Variants in RAB38 observed in about 807,000 individuals in gnomAD.
RAB38 encodes the protein RAB38, member RAS oncogene family.
Under a neutral mutation model 18.4 loss-of-function variants are expected in RAB38, and 15 were observed. The observed-to-expected ratio is 0.82, with a 90% confidence interval of 0.55 to 1.26. The LOEUF (loss-of-function observed/expected upper bound fraction) is 1.26, where lower values mean the gene tolerates loss of function less well. Ranked by LOEUF, RAB38 falls within the 50% of genes most tolerant of loss-of-function variation. The probability of loss-of-function intolerance (pLI) is 0.00; values close to 1 mark genes in which losing one functional copy is unlikely to be tolerated. For synonymous variants in RAB38, 101 were observed against 104.4 expected (o/e 0.97, Z 0.20); for missense variants, 294 against 267.4 (o/e 1.10, Z -0.69).
At chr11:87,935,617 C>T in the RAB38 span, among the ~76,000 whole-genome samples, 2 of 152,140 alleles carry the variant, frequency 1.3e-5, no homozygotes, top group Non-Finnish European at 2.9e-5. Flanking sequence ...TGTAGCCTTA[C>T]TGTTTTCCCC....
At chr11:88,128,953 C>T (rs1942736042) in intron 2 of RAB38, among the ~76,000 whole-genome samples, 1 of 152,150 alleles carries the variant, frequency 6.6e-6, no homozygotes, top group African/African-American at 2.4e-5. Flanking sequence ...GGAGCTCAAA[C>T]CTGGCATGGC....
the RAB38 span, chr11:88,050,066 T>C: frequency 1.3e-5 from 2 of 152,222 alleles, no homozygotes; most frequent in Non-Finnish European, 2.9e-5. Context: ...AGCTACATTC[T>C]TCAAATAGTA....
the RAB38 span, among the ~76,000 whole-genome samples, chr11:87,947,233 G>GGGTT: frequency 1.7e-5 from 2 of 114,342 alleles, no homozygotes; most frequent in African/African-American, 7.3e-5. Context: ...CTTTTTGATG[G>GGGTT]GGTTGTTTTT....
the RAB38 span, among the ~76,000 whole-genome samples, chr11:87,839,453 A>G: frequency 6.6e-6 from 1 of 152,224 alleles, no homozygotes; most frequent in African/African-American, 2.4e-5. Context: ...CTGCTTTCTA[A>G]TTATAGGTCA....
chr11:88,156,239 A>G (rs1253783563), intron 1 of RAB38, among the ~76,000 whole-genome samples: 1 of 152,242 alleles, frequency 6.6e-6, no homozygotes, highest in African/African-American at 2.4e-5. Context: ...ACATTGTCCA[A>G]GATCAATGCT....
the RAB38 span, among the ~76,000 whole-genome samples, chr11:88,056,753 A>G: frequency 9.2e-5 from 14 of 152,106 alleles, no homozygotes; most frequent in Admixed American, 5.2e-4. Flanking sequence ...GCAGTGAGCC[A>G]AGATCGCACC....
the RAB38 span, among the ~76,000 whole-genome samples, chr11:87,818,890 A>G: frequency 3.5e-4 from 54 of 152,320 alleles, no homozygotes; most frequent in Non-Finnish European, 5.7e-4. Flanking sequence ...TAACTTCTCA[A>G]TTTGTGATTT....
the RAB38 span, among the ~76,000 whole-genome samples, chr11:87,842,884 C>A: frequency 6.6e-6 from 1 of 151,646 alleles, no homozygotes; most frequent in African/African-American, 2.4e-5. Flanking sequence ...AAACAAAAAA[C>A]ATTTTTTATA....
At chr11:88,160,150 A>T (rs1786347377) in intron 1 of RAB38, among the ~76,000 whole-genome samples, 2 of 151,908 alleles carry the variant, frequency 1.3e-5, no homozygotes, top group Admixed American at 1.3e-4. Context: ...CAACCCCACT[A>T]AAAAAATGGG....
the RAB38 span, among the ~76,000 whole-genome samples, chr11:88,037,749 C>T: frequency 6.6e-6 from 1 of 152,046 alleles, no homozygotes; most frequent in Non-Finnish European, 1.5e-5. Context: ...CATCAGGTTG[C>T]TCTATCAGTT....
the RAB38 span, among the ~76,000 whole-genome samples, chr11:87,958,515 G>C: frequency 6.6e-6 from 1 of 152,098 alleles, no homozygotes; most frequent in African/African-American, 2.4e-5. Context: ...ACCCCAGGAA[G>C]CGAGGCTCTT....
At chr11:87,977,305 T>A in the RAB38 span, among the ~76,000 whole-genome samples, 1 of 131,756 alleles carries the variant, frequency 7.6e-6, no homozygotes, top group African/African-American at 3.0e-5. Flanking sequence ...ACAAGTATAT[T>A]ATAAAATATA....
At chr11:87,860,031 C>T in the RAB38 span, among the ~76,000 whole-genome samples, 1 of 151,950 alleles carries the variant, frequency 6.6e-6, no homozygotes, top group African/African-American at 2.4e-5. Flanking sequence ...AGCTCATGCT[C>T]CTCCCTAACT....
chr11:87,909,683 A>G, the RAB38 span, among the ~76,000 whole-genome samples: 2 of 151,982 alleles, frequency 1.3e-5, no homozygotes, highest in Admixed American at 1.3e-4. Context: ...TTCATACAGT[A>G]TATGCTCTTT....
At chr11:88,157,277 T>C (rs915910330) in intron 1 of RAB38, among the ~76,000 whole-genome samples, 1 of 152,182 alleles carries the variant, frequency 6.6e-6, no homozygotes, top group African/African-American at 2.4e-5. Flanking sequence ...AACGGCTCAA[T>C]TCGACAATAA....
chr11:88,012,106 A>T, the RAB38 span, among the ~76,000 whole-genome samples: 1 of 152,120 alleles, frequency 6.6e-6, no homozygotes, highest in Non-Finnish European at 1.5e-5. Context: ...TGGTAGAGTC[A>T]CTTTTGCTCT....
chr11:87,891,443 A>AT, the RAB38 span, among the ~76,000 whole-genome samples: 4 of 151,780 alleles, frequency 2.6e-5, no homozygotes, highest in Non-Finnish European at 4.4e-5. Flanking sequence ...GATCAGTCAG[A>AT]TTTTGTGATT....
the RAB38 span, among the ~76,000 whole-genome samples, chr11:88,026,340 GA>G: frequency 6.6e-6 from 1 of 151,768 alleles, no homozygotes; most frequent in East Asian, 2.0e-4. Flanking sequence ...GAAGCTGGCG[GA>G]TCACGAGGTC....
chr11:88,154,887 A>G (rs936730818), intron 1 of RAB38, among the ~76,000 whole-genome samples: 1 of 152,220 alleles, frequency 6.6e-6, no homozygotes, highest in Admixed American at 6.5e-5. Context: ...GCAAATATCC[A>G]GCCATTAGAA....
Sources: allele counts gnomAD v4.1 joint callset (sites outside exome capture counted in the v4.1 genomes callset), GRCh38; gene constraint gnomAD v4.1.1; transcripts MANE v1.5; gene names NCBI Gene and HGNC (gene_info 2026-07-23, HGNC 2026-07-21).